PREP: variants seen among roughly 807,000 people sequenced by gnomAD.
The protein encoded by PREP is prolyl endopeptidase, also known as dJ355L5.1 (prolyl endopeptidase).
PREP carries 29 observed loss-of-function variants against 87.6 expected under a neutral mutation model. The observed-to-expected ratio is 0.33, with a 90% CI of 0.25 to 0.45. PREP has a LOEUF of 0.45. Ranked by LOEUF, PREP falls within the 20% of genes least tolerant of loss-of-function variation. The pLI, the probability that PREP is intolerant of heterozygous loss-of-function variation, is 1.00. For missense variants in PREP, 695 were observed against 886.5 expected, an observed-to-expected ratio of 0.78 and a Z score of 2.74; for synonymous variants, 337 against 328.6, an observed-to-expected ratio of 1.03 and a Z score of -0.28.
At chr6:105,323,889 G>A (rs1004645714) in intron 9 of PREP, 121 bp from the exon 10 acceptor site, 1 of 833,576 alleles carries the variant, frequency 1.2e-6, no homozygotes, top group African/African-American at 1.7e-5. Flanking sequence ...TCAGGGACTT[G>A]GTTAATCCCC....
chr6:105,315,714 C>T (rs933199070), intron 10 of PREP, among the ~76,000 whole-genome samples: 4 of 152,128 alleles, frequency 2.6e-5, no homozygotes, highest in Admixed American at 2.6e-4. Context: ...AGTACAGCCA[C>T]CTTCATCAAT....
chr6:105,377,260 A>G (rs941186009), intron 3 of PREP, 126 bp downstream of exon 3: 11 of 1,109,204 alleles, frequency 9.9e-6, no homozygotes, highest in South Asian at 8.2e-5. Context: ...ATATTCAGGC[A>G]TAGAAATTAA....
chr6:105,327,775 C>T (rs1225487628), intron 9 of PREP, among the ~76,000 whole-genome samples: 1 of 152,172 alleles, frequency 6.6e-6, no homozygotes, highest in Non-Finnish European at 1.5e-5. Flanking sequence ...AAAGTGCAGA[C>T]TTTTTTCAGC....
intron 6 of PREP, among the ~76,000 whole-genome samples, chr6:105,354,076 T>G (rs972362299): frequency 4.6e-5 from 7 of 152,232 alleles, no homozygotes; most frequent in African/African-American, 1.7e-4. Context: ...GCAACTAATT[T>G]TTTTCATTCA....
chr6:105,353,654 C>T (rs1000885352), intron 6 of PREP, among the ~76,000 whole-genome samples: 2 of 151,686 alleles, frequency 1.3e-5, no homozygotes, highest in Non-Finnish European at 2.9e-5. Flanking sequence ...CGCCTGTAAT[C>T]CCAGCTACTC....
At chr6:105,295,678 C>A (rs1758113178) in intron 10 of PREP, among the ~76,000 whole-genome samples, 2 of 152,130 alleles carry the variant, frequency 1.3e-5, no homozygotes, top group Admixed American at 6.5e-5. Flanking sequence ...TGCATAGAGA[C>A]ACGCCTATTT....
intron 6 of PREP, among the ~76,000 whole-genome samples, chr6:105,353,739 T>C (rs897839700): frequency 6.0e-5 from 8 of 132,518 alleles, no homozygotes; most frequent in Non-Finnish European, 1.2e-4. Flanking sequence ...GCCACTGCAC[T>C]CCAGCCTGGG....
intron 2 of PREP, among the ~76,000 whole-genome samples, chr6:105,382,403 T>A (rs1003328496): frequency 1.3e-5 from 2 of 152,110 alleles, no homozygotes; most frequent in African/African-American, 2.4e-5. Context: ...GCTACACACC[T>A]AAATATATAC....
intron 7 of PREP, among the ~76,000 whole-genome samples, chr6:105,338,056 A>G (rs759515004): frequency 1.3e-5 from 2 of 152,236 alleles, no homozygotes; most frequent in Non-Finnish European, 2.9e-5. Flanking sequence ...ACTAGCTGGT[A>G]ATACAAAATT....
intron 6 of PREP, among the ~76,000 whole-genome samples, chr6:105,368,249 T>A (rs1309995810): frequency 1.3e-5 from 2 of 152,144 alleles, no homozygotes; most frequent in Non-Finnish European, 2.9e-5. Flanking sequence ...TAACAAGAAG[T>A]ATTTCTTAGT....
chr6:105,361,099 T>G (rs1167356564), intron 6 of PREP, among the ~76,000 whole-genome samples: 2 of 152,218 alleles, frequency 1.3e-5, no homozygotes, highest in Non-Finnish European at 2.9e-5. Context: ...TTAAACTGAA[T>G]CTGGCTATTT....
rs1009359236 is a variant in PREP at position 105,276,913 on chromosome 6, G to A, written c.*1231C>T. 1.3e-5 allele frequency among the ~76,000 whole-genome samples: 2 copies of A among 152,042 alleles called. No individual in the cohort carries two copies. Among genetic ancestry groups the A allele is most frequent in the Admixed American group, 1.3e-4 (2 of 15,252 alleles). On this transcript the variant is annotated 3_prime_UTR_variant, in exon 15 of 15. Coordinates refer to ENST00000652536, the MANE Select transcript of PREP (RefSeq NM_002726.5). ...GAAAAGTACAAATTATTGGAATAAT[G>A]AAGTAATCTTTTAAGCTATTTTATA... is the stretch of plus-strand genomic sequence containing the variant.
intron 8 of PREP, among the ~76,000 whole-genome samples, chr6:105,331,348 C>T (rs1368451993): frequency 1.3e-5 from 2 of 152,200 alleles, no homozygotes; most frequent in Non-Finnish European, 2.9e-5. Context: ...ATTTGCATTT[C>T]ATTACATCTA....
chr6:105,287,467 A>C (rs994412452), intron 11 of PREP, among the ~76,000 whole-genome samples: 2 of 152,338 alleles, frequency 1.3e-5, no homozygotes, highest in Admixed American at 1.3e-4. Flanking sequence ...CCTTGCTAAC[A>C]AAAGGATAAA....
chr6:105,371,248 T>TA (rs1439112293), intron 5 of PREP, among the ~76,000 whole-genome samples: 1 of 152,158 alleles, frequency 6.6e-6, no homozygotes, highest in African/African-American at 2.4e-5. Flanking sequence ...CTCACGCCTA[T>TA]AATCCCAGCA....
chr6:105,397,196 A>G (rs1773309732), intron 2 of PREP, among the ~76,000 whole-genome samples: 1 of 151,904 alleles, frequency 6.6e-6, no homozygotes, highest in African/African-American at 2.4e-5. Context: ...AAAAAAAAAA[A>G]AAAAAAGTAT....
chr6:105,316,941 G>A, intron 10 of PREP, among the ~76,000 whole-genome samples: 1 of 151,480 alleles, frequency 6.6e-6, no homozygotes, highest in Non-Finnish European at 1.5e-5. Context: ...GGGATTTAGA[G>A]GCCATTTAGT....
At chr6:105,287,624 A>G (rs3800000) in intron 11 of PREP, among the ~76,000 whole-genome samples, 2 of 152,226 alleles carry the variant, frequency 1.3e-5, no homozygotes, top group East Asian at 3.8e-4. Flanking sequence ...GTGTTCTTGT[A>G]TCCAACTTCA....
rs146759488 is a variant in PREP at position 105,382,270 on chromosome 6, AACACACACACACACAC to A, written c.121-4767_121-4752del. Among the ~76,000 whole-genome samples, 1,186 of 143,112 alleles carry A rather than the reference AACACACACACACACAC, an allele frequency of 8.3e-3. 14 individuals carry two copies. The highest frequency in any genetic ancestry group is 0.026 in the African/African-American group (1,018 of 39,418). The allele number at this position is 143,112 out of a possible 152,430, so 93.9% of individuals were successfully genotyped here. A position where few individuals can be genotyped will look rare whatever the true frequency, so the allele number is the denominator to read the frequency against. On this transcript the variant is annotated intron_variant, in intron 2 of 14. Transcript: ENST00000652536. ...GCTAAGAGGGATTTTAAGCGTTCTC[AACACACACACACACAC>A]ACACACACACACACACACACACACA...
Sources: allele counts gnomAD v4.1 joint callset (sites outside exome capture counted in the v4.1 genomes callset), GRCh38; gene constraint gnomAD v4.1.1; transcripts MANE v1.5; gene names NCBI Gene and HGNC (gene_info 2026-07-23, HGNC 2026-07-21).